Variants in SUFU observed in about 807,000 individuals in gnomAD.
SUFU encodes the protein SUFU negative regulator of hedgehog signaling.
SUFU carries 7 observed loss-of-function variants against 58.9 expected under a neutral mutation model. That is an observed-to-expected ratio of 0.12 (90% CI 0.07 to 0.22). The LOEUF is 0.22. SUFU is among the 10% of genes least tolerant of loss of function. The pLI is 1.00. For synonymous variants in SUFU, 232 were observed against 254.8 expected (o/e 0.91, Z 0.85); for missense variants, 451 against 641.3 (o/e 0.70, Z 3.20).
Position 102,628,987 on chromosome 10 carries a change from C to G in SUFU, c.1366-1079C>G, listed in dbSNP as rs545299053. Among the ~76,000 whole-genome samples, 1 of 152,296 alleles carries G rather than the reference C, an allele frequency of 6.6e-6. No homozygotes were observed. The highest frequency in any genetic ancestry group is 2.1e-4 in the South Asian group (1 of 4,824). On this transcript the variant is annotated intron_variant, in intron 11 of 11. Coordinates refer to ENST00000369902, the MANE Select transcript of SUFU (RefSeq NM_016169.4). The surrounding 1 kb of genome is among the most constrained non-coding windows in gnomAD (Gnocchi z 4.5). ...CCTGACCAACATGGAGAAAACCCAT[C>G]TCTACTAATAATACAATAATTAGCC...
chr10:102,605,693 G>A (rs1404275281), intron 8 of SUFU, among the ~76,000 whole-genome samples: 3 of 151,320 alleles, frequency 2.0e-5, no homozygotes, highest in Admixed American at 6.6e-5. Context: ...CCCTTTTCCA[G>A]TTCTGCCTTA....
intron 7 of SUFU, among the ~76,000 whole-genome samples, chr10:102,598,717 G>A (rs12779854): frequency 0.53 from 80,184 of 152,058 alleles, 21,611 homozygotes; most frequent in Middle Eastern, 0.63. Flanking sequence ...CACTCTTTGA[G>A]CAACTAATTT....
chr10:102,586,029 C>T (rs1030504585), intron 3 of SUFU, among the ~76,000 whole-genome samples: 1 of 151,750 alleles, frequency 6.6e-6, no homozygotes, highest in Admixed American at 6.6e-5. Context: ...GGATTACAGG[C>T]TCATGCCACC....
rs1348208936 is a variant in SUFU at position 102,568,898 on chromosome 10, ATATAT to A, written c.454+18793_454+18797del. 1.7e-3 allele frequency among the ~76,000 whole-genome samples: 10 copies of A among 5,962 alleles called. 2 individuals carry two copies. Among genetic ancestry groups the A allele is most frequent in the African/African-American group, 9.2e-3 (10 of 1,088 alleles). 3.9% of individuals were successfully genotyped at this position (5,962 alleles called of 152,430 possible). A position where few individuals can be genotyped will look rare whatever the true frequency, so the allele number is the denominator to read the frequency against. On this transcript the variant is annotated intron_variant, in intron 3 of 11. Transcript: ENST00000369902. ...TCAAAAAAAAAAAAAAAAAAAAAAA[ATATAT>A]ATATATATATATATATACACATATA...
rs773037813 is a variant in SUFU, at chr10:102,599,537, C to T, written c.1015C>T (p.Arg339Trp). The change falls in exon 8 of 12, where the codon CGG becomes TGG. Residue 339 changes from arginine to tryptophan, a missense_variant. Coordinates refer to ENST00000369902, the MANE Select transcript of SUFU (RefSeq NM_016169.4). Reference protein sequence around the residue: ...PQRQNGLAHDRAPSRKDSLES... With the variant: ...PQRQNGLAHDWAPSRKDSLES... ...GCGGCAGAATGGCCTCGCCCACGAC[C>T]GGGCCCCGTAAGTTCCCCAGTGTCC... 1.1e-5 allele frequency: 18 copies of T among 1,613,952 alleles called. No homozygotes were observed. The highest frequency in any genetic ancestry group is 3.3e-4 in the Middle Eastern group (2 of 6,084).
chr10:102,548,607 T>G (rs1224633892), intron 2 of SUFU, among the ~76,000 whole-genome samples: 2 of 152,186 alleles, frequency 1.3e-5, no homozygotes, highest in Non-Finnish European at 2.9e-5. Context: ...CAAGATATAA[T>G]TACTGAAAAT....
In SUFU at chr10:102,546,398, C is replaced by T. The variant is rs1013086536; in HGVS notation, c.318-3572C>T. Among the ~76,000 whole-genome samples, 34 of 152,176 alleles carry T rather than the reference C, an allele frequency of 2.2e-4. 1 individual carries two copies. The highest frequency in any genetic ancestry group is 6.5e-5 in the Admixed American group (1 of 15,272). On this transcript the variant is annotated intron_variant, in intron 2 of 11. Transcript: ENST00000369902. Reference sequence around the variant, plus strand: ...TTTCTATAGGAAGAAATTCCACTGGCCCCAGTTACCACCAGCCAGTATTTT... The same window carrying T: ...TTTCTATAGGAAGAAATTCCACTGGTCCCAGTTACCACCAGCCAGTATTTT...
rs202201333 is a variant in SUFU, at chr10:102,542,444, A to T, written c.318-7526A>T. 7.5e-4 allele frequency among the ~76,000 whole-genome samples: 92 copies of T among 122,522 alleles called. No individual in the cohort carries two copies. In the South Asian group the frequency reaches 0.013, roughly 18 times the overall value. 80.4% of individuals were successfully genotyped at this position (122,522 alleles called of 152,430 possible). A position where few individuals can be genotyped will look rare whatever the true frequency, so the allele number is the denominator to read the frequency against. ...CTGCGCCCGGCCTATATATATATAT[A>T]TTTTTTTTTAAGTAGAGATGGGGTT... is the stretch of plus-strand genomic sequence containing the variant. On this transcript the variant is annotated intron_variant, in intron 2 of 11. Coordinates refer to ENST00000369902, the MANE Select transcript of SUFU (RefSeq NM_016169.4).
intron 3 of SUFU, chr10:102,590,792 C>T (rs187360878): frequency 6.6e-6 from 1 of 152,274 alleles, no homozygotes; most frequent in East Asian, 1.9e-4. Context: ...TTACCTGTTG[C>T]ATTGTTTCTT....
intron 3 of SUFU, among the ~76,000 whole-genome samples, chr10:102,588,122 C>T (rs1433297565): frequency 1.3e-5 from 2 of 152,064 alleles, no homozygotes; most frequent in Non-Finnish European, 2.9e-5. Context: ...ACAGGCTGGG[C>T]GCAGTGGCTC....
intron 2 of SUFU, among the ~76,000 whole-genome samples, chr10:102,542,464 G>C (rs2135725226): frequency 6.6e-6 from 1 of 151,174 alleles, no homozygotes; most frequent in Non-Finnish European, 1.5e-5. Context: ...AAGTAGAGAT[G>C]GGGTTTCATC....
chr10:102,516,680 T>A (rs1463554281), intron 2 of SUFU, among the ~76,000 whole-genome samples: 1 of 151,810 alleles, frequency 6.6e-6, no homozygotes, highest in Non-Finnish European at 1.5e-5. Context: ...CCCAAGTAGC[T>A]GGGATTACAG....
At position 102,589,442 on chromosome 10, in the gene SUFU, C is replaced by CTTTTTTTTTTTTTTTT. The variant is rs747625757; in HGVS notation, c.455-3134_455-3119dup. Among the ~76,000 whole-genome samples the CTTTTTTTTTTTTTTTT allele has an allele frequency of 7.4e-3, 481 of 65,362 alleles. 63 individuals carry two copies. The highest frequency in any genetic ancestry group is 0.01 in the South Asian group (14 of 1,376). 42.9% of individuals were successfully genotyped at this position (65,362 alleles called of 152,430 possible). A position where few individuals can be genotyped will look rare whatever the true frequency, so the allele number is the denominator to read the frequency against. On this transcript the variant is annotated intron_variant, in intron 3 of 11. Coordinates refer to ENST00000369902, the MANE Select transcript of SUFU (RefSeq NM_016169.4). ...CAATCTGGAAGTATTTTCTTTCTTT[C>CTTTTTTTTTTTTTTTT]TTTTTTTTTTTTTTTTTTTTTGAGA...
intron 7 of SUFU, among the ~76,000 whole-genome samples, chr10:102,597,909 A>C (rs1226579707): frequency 6.6e-6 from 1 of 152,228 alleles, no homozygotes; most frequent in Non-Finnish European, 1.5e-5. Context: ...GGCTACAGAA[A>C]CAGTTGTGGT....
At chr10:102,586,265 T>C (rs181721309) in intron 3 of SUFU, among the ~76,000 whole-genome samples, 5 of 152,360 alleles carry the variant, frequency 3.3e-5, no homozygotes, top group Admixed American at 1.3e-4. Context: ...CTTTTATTAT[T>C]GAGTTGTAAG....
At chr10:102,567,403 A>G (rs894086871) in intron 3 of SUFU, among the ~76,000 whole-genome samples, 1 of 152,068 alleles carries the variant, frequency 6.6e-6, no homozygotes, top group Non-Finnish European at 1.5e-5. Context: ...GGCACCCGTA[A>G]GCCATACACA....
In SUFU at chr10:102,608,219, G is replaced by C. The variant is rs370197361; in HGVS notation, c.1023-7049G>C. ...AGCCTGGGCAACAGAGCGAGACTCT[G>C]TCTAAAAAAACAAAAAAAAAATTTA... On this transcript the variant is annotated intron_variant, in intron 8 of 11. Coordinates refer to ENST00000369902, the MANE Select transcript of SUFU (RefSeq NM_016169.4). Among the ~76,000 whole-genome samples the C allele has an allele frequency of 2.7e-4, 36 of 132,840 alleles. No individual in the cohort carries two copies. The East Asian group carries it at 8.1e-3, about 30-fold the overall frequency. The allele number at this position is 132,840 out of a possible 152,430, so 87.1% of individuals were successfully genotyped here. A position where few individuals can be genotyped will look rare whatever the true frequency, so the allele number is the denominator to read the frequency against.
At chr10:102,511,217 C>T (rs1240630128) in intron 2 of SUFU, among the ~76,000 whole-genome samples, 5 of 150,894 alleles carry the variant, frequency 3.3e-5, no homozygotes, top group African/African-American at 1.2e-4. Context: ...TTCTTTTCTT[C>T]AATTTAAATG....
intron 3 of SUFU, among the ~76,000 whole-genome samples, chr10:102,591,959 C>G (rs186905661): frequency 1.4e-3 from 210 of 152,296 alleles, no homozygotes; most frequent in Middle Eastern, 3.4e-3. Context: ...AGAGACATGG[C>G]CTGAGGATCC....
Sources: allele counts gnomAD v4.1 joint callset (sites outside exome capture counted in the v4.1 genomes callset), GRCh38; gene constraint gnomAD v4.1.1; non-coding constraint Gnocchi (gnomAD v3.1); transcripts MANE v1.5; gene names NCBI Gene and HGNC (gene_info 2026-07-23, HGNC 2026-07-21).